CNNM1: variants seen among roughly 807,000 people sequenced by gnomAD.
CNNM1 encodes cyclin and CBS domain divalent metal cation transport mediator 1, also known as metal transporter CNNM1.
In CNNM1, 44 loss-of-function variants were observed where a neutral mutation model predicts 78.8. The ratio of observed to expected loss-of-function variants is 0.56; its 90% CI spans 0.44 to 0.72. The LOEUF is 0.72. CNNM1 is among the 30% of genes least tolerant of loss of function. The pLI, the probability that CNNM1 is intolerant of heterozygous loss-of-function variation, is 0.00. For synonymous variants in CNNM1, 584 were observed against 581.5 expected, an observed-to-expected ratio of 1.00 and a Z score of -0.06; for missense variants, 1,101 against 1,292.2, an observed-to-expected ratio of 0.85 and a Z score of 2.27.
chr10:99,358,499 C>T (rs2031303984), intron 2 of CNNM1, among the ~76,000 whole-genome samples: 1 of 152,136 alleles, frequency 6.6e-6, no homozygotes, highest in Non-Finnish European at 1.5e-5. Context: ...AGACTTTGGT[C>T]CTTAGTTTGT....
intron 1 of CNNM1, among the ~76,000 whole-genome samples, chr10:99,332,962 T>C (rs1194388679): frequency 2.6e-5 from 4 of 152,226 alleles, no homozygotes; most frequent in African/African-American, 9.6e-5. Flanking sequence ...GATCTGGGCA[T>C]TGGGTGGCAT....
At position 99,329,454 on chromosome 10, in the gene CNNM1, G is replaced by A. The variant is rs1181377266; in HGVS notation, c.67G>A (p.Ala23Thr). ...GCTCCGGGACTGCTGCAGCCGAGGC[G>A]CTGTGCTCCTGCTCTTCTTTTCCCT... Reference protein sequence around the residue: ...VRLRDCCSRGAVLLLFFSLSP... With the variant: ...VRLRDCCSRGTVLLLFFSLSP... The change falls in exon 1 of 11, where the codon GCT becomes ACT. Residue 23 changes from alanine to threonine, a missense_variant. Around this residue, in one of 3 missense-constraint regions of CNNM1, gnomAD observed 476 missense variants for 484.5 expected, o/e 0.98. Transcript: ENST00000356713. The A allele has an allele frequency of 2.2e-6, 3 of 1,370,834 alleles. No individual in the cohort carries two copies. Among genetic ancestry groups the A allele is most frequent in the Non-Finnish European group, 3.0e-6 (3 of 1,014,000 alleles). 84.9% of individuals were successfully genotyped at this position (1,370,834 alleles called of 1,614,324 possible).
chr10:99,374,232 G>A (rs376442152), intron 6 of CNNM1, among the ~76,000 whole-genome samples: 1 of 152,136 alleles, frequency 6.6e-6, no homozygotes, highest in African/African-American at 2.4e-5. Flanking sequence ...GCTTCATGTT[G>A]TTCTCTACAT....
chr10:99,368,311 G>A (rs2031688970), intron 6 of CNNM1: 1 of 258,414 alleles, frequency 3.9e-6, no homozygotes. Flanking sequence ...GAGCCTCAGA[G>A]AATGCTGCCT....
Position 99,329,509 on chromosome 10 carries a change from G to T in CNNM1, c.122G>T (p.Trp41Leu). 1.3e-6 allele frequency: 2 copies of T among 1,509,898 alleles called. No individual in the cohort carries two copies. Among genetic ancestry groups the T allele is most frequent in the South Asian group, 1.2e-5 (1 of 80,522 alleles). The allele number at this position is 1,509,898 out of a possible 1,614,324, so 93.5% of individuals were successfully genotyped here. ...CCTCGGCCCCCGGCCGCCGCCGCCT[G>T]GCTGCTGGGCCTGCGGCCCGAGGAC... ...LSPRPPAAAA[W>L]LLGLRPEDTA... Residue 41 changes from tryptophan to leucine, a missense_variant, in exon 1 of 11, where the codon TGG (tryptophan) becomes TTG (leucine). Trp to Leu is a moderately conservative substitution (Grantham distance 61). Coordinates refer to ENST00000356713, the MANE Select transcript of CNNM1 (RefSeq NM_020348.3).
intron 1 of CNNM1, among the ~76,000 whole-genome samples, chr10:99,356,156 C>T (rs571923709): frequency 1.4e-3 from 206 of 152,212 alleles, no homozygotes; most frequent in South Asian, 3.3e-3. Flanking sequence ...CTGGGAGCTG[C>T]TTGAAAGGCT....
intron 1 of CNNM1, among the ~76,000 whole-genome samples, chr10:99,356,752 G>A: frequency 6.6e-6 from 1 of 152,138 alleles, no homozygotes; most frequent in Non-Finnish European, 1.5e-5. Flanking sequence ...CAAACTGCCT[G>A]GCACTTTGGT....
chr10:99,354,147 T>A lies in CNNM1; in HGVS notation c.1574-3365T>A, dbSNP rs146716530. Among the ~76,000 whole-genome samples, 752 of 152,334 alleles carry A rather than the reference T, an allele frequency of 4.9e-3. 7 individuals carry two copies. The highest frequency in any genetic ancestry group is 0.017 in the African/African-American group (694 of 41,580). ...GTTACACTAGTTATTTGTTTTGTCA[T>A]CTGCTAGCACATATTAGCAGAAAAG... On this transcript the variant is annotated intron_variant, in intron 1 of 10. Transcript: ENST00000356713.
In CNNM1 at chr10:99,381,028, A is replaced by C. The variant is rs116222132; in HGVS notation, c.2340+3810A>C. Among the ~76,000 whole-genome samples, 1,321 of 152,302 alleles carry C rather than the reference A, an allele frequency of 8.7e-3. 23 individuals are homozygous for C. Among genetic ancestry groups the C allele is most frequent in the African/African-American group, 0.03 (1,264 of 41,570 alleles). On this transcript the variant is annotated intron_variant, in intron 7 of 10. Transcript: ENST00000356713. The stretch of plus-strand genomic sequence containing the variant: ...CAATCAGTGCAGCTGAGCAGCACAA[A>C]ATTTGATTTTTCTTTCCACCTGGAT...
rs560210513 is a variant in CNNM1 at position 99,343,058 on chromosome 10, C to T, written c.1573+12098C>T. Among the ~76,000 whole-genome samples the T allele has an allele frequency of 1.9e-3, 283 of 152,060 alleles. 1 individual carries two copies. The highest frequency in any genetic ancestry group is 3.7e-3 in the African/African-American group (155 of 41,478). The stretch of plus-strand genomic sequence containing the variant: ...TCGGCTCACTGCAACCTCCACCTCC[C>T]GGTTTCAAGCAATTCTCCTGCCTCA... On this transcript the variant is annotated intron_variant, in intron 1 of 10. Transcript: ENST00000356713.
rs2032498973 is a variant in CNNM1, at chr10:99,392,423, G to C, written c.*907G>C. 6.6e-6 allele frequency: 1 copy of C among 152,640 alleles called. No individual in the cohort carries two copies. Among genetic ancestry groups the C allele is most frequent in the Non-Finnish European group, 1.5e-5 (1 of 68,044 alleles). 9.5% of individuals were successfully genotyped at this position (152,640 alleles called of 1,614,324 possible). On this transcript the variant is annotated 3_prime_UTR_variant, in exon 11 of 11. Coordinates refer to ENST00000356713, the MANE Select transcript of CNNM1 (RefSeq NM_020348.3). ...GCAAGTTTAGCCATGACAAACCAAA[G>C]AGTGCCCAGGTCAGCCAAGAAAGAT...
rs1229569023 is a variant in CNNM1 at position 99,393,975 on chromosome 10, T to A, written c.*2459T>A. 1 of 152,264 alleles carries A rather than the reference T, an allele frequency of 6.6e-6. No individual in the cohort carries two copies. The highest frequency in any genetic ancestry group is 1.5e-5 in the Non-Finnish European group (1 of 68,046). The allele number at this position is 152,264 out of a possible 1,614,324, so 9.4% of individuals were successfully genotyped here. A position where few individuals can be genotyped will look rare whatever the true frequency, so the allele number is the denominator to read the frequency against. On this transcript the variant is annotated 3_prime_UTR_variant, in exon 11 of 11. Transcript: ENST00000356713. ...TCTTGCCTGGTAGGAACAGGCGAAGTGTCAGCCCTCAATGTTGGGTACTTA... is the reference window on the plus strand; with the variant it reads ...TCTTGCCTGGTAGGAACAGGCGAAGAGTCAGCCCTCAATGTTGGGTACTTA...
rs1399292710 is a variant in CNNM1, at chr10:99,330,450, G to A, written c.1063G>A (p.Ala355Thr). 25 of 1,588,804 alleles carry A rather than the reference G, an allele frequency of 1.6e-5. No individual in the cohort carries two copies. Among genetic ancestry groups the A allele is most frequent in the Non-Finnish European group, 2.1e-5 (25 of 1,168,674 alleles). The change falls in exon 1 of 11, where the codon GCC (alanine) becomes ACC (threonine). Residue 355 changes from alanine (A) to threonine (T), a missense_variant. Coordinates refer to ENST00000356713, the MANE Select transcript of CNNM1 (RefSeq NM_020348.3). ...SVCSRHGLAI[A>T]SHSVCLTRLL... is the part of the protein sequence containing the mutation. Reference sequence around the variant, plus strand: ...GTGTTCGCGGCACGGGCTGGCCATCGCCTCGCACAGCGTGTGCCTGACCCG... The same window carrying A: ...GTGTTCGCGGCACGGGCTGGCCATCACCTCGCACAGCGTGTGCCTGACCCG...
At chr10:99,390,487 G>T in intron 10 of CNNM1, 80 bp downstream of exon 10, 7 of 1,067,484 alleles carry the variant, frequency 6.6e-6, no homozygotes, top group Middle Eastern at 2.4e-4. Flanking sequence ...TCTTCCTCTT[G>T]GGGGAGGAGC....
intron 3 of CNNM1, 140 bp from the exon 4 acceptor site, chr10:99,362,087 A>G (rs958495091): frequency 2.8e-6 from 2 of 713,132 alleles, no homozygotes; most frequent in Non-Finnish European, 4.4e-6. Flanking sequence ...GAGGAACTGC[A>G]GAAGCCCTGC....
intron 4 of CNNM1, among the ~76,000 whole-genome samples, chr10:99,363,604 T>A (rs1211866112): frequency 6.6e-6 from 1 of 151,958 alleles, no homozygotes; most frequent in Non-Finnish European, 1.5e-5. Context: ...CTTCATGGGG[T>A]TGTGGGGCTA....
intron 7 of CNNM1, among the ~76,000 whole-genome samples, chr10:99,384,415 A>G (rs2032246479): frequency 6.6e-6 from 1 of 152,128 alleles, no homozygotes; most frequent in South Asian, 2.1e-4. Flanking sequence ...CACATAGAGG[A>G]TTTAGCCATT....
chr10:99,356,605 A>AAAAG (rs1166218221), intron 1 of CNNM1, among the ~76,000 whole-genome samples: 19 of 56,312 alleles, frequency 3.4e-4, no homozygotes, highest in African/African-American at 5.1e-4. Flanking sequence ...AGAAAGAAAG[A>AAAAG]AAAGAAAGAA....
intron 7 of CNNM1, among the ~76,000 whole-genome samples, chr10:99,383,854 A>C (rs1205189647): frequency 1.3e-5 from 2 of 152,212 alleles, no homozygotes; most frequent in Non-Finnish European, 2.9e-5. Context: ...AGCAGCCAGT[A>C]GCCATGTATA....
Sources: allele counts gnomAD v4.1 joint callset (sites outside exome capture counted in the v4.1 genomes callset), GRCh38; gene constraint gnomAD v4.1.1; regional missense constraint gnomAD v4.1.1; transcripts MANE v1.5; gene names NCBI Gene and HGNC (gene_info 2026-07-23, HGNC 2026-07-21).